TMEM223: variants seen among roughly 807,000 people sequenced by gnomAD.
The protein encoded by TMEM223 is transmembrane protein 223.
Under a neutral mutation model 14.1 loss-of-function variants are expected in TMEM223, and 14 were observed. The observed-to-expected ratio is 0.99, with a 90% CI of 0.66 to 1.55. TMEM223 has a LOEUF of 1.55. Among genes scored for constraint, TMEM223 ranks in the 40% most tolerant of loss-of-function variants. The probability of loss-of-function intolerance (pLI) is 0.00; values close to 1 mark genes in which losing one functional copy is unlikely to be tolerated. For missense variants in TMEM223, 346 were observed against 269.9 expected (o/e 1.28, Z -1.97); for synonymous variants, 145 against 120.5 (o/e 1.20, Z -1.33).
rs982559102 is a variant in TMEM223, at chr11:62,790,442, T to G, written c.*181A>C. 3.2e-4 allele frequency: 136 copies of G among 431,036 alleles called. No individual in the cohort carries two copies. Among genetic ancestry groups the G allele is most frequent in the East Asian group, 1.0e-3 (23 of 23,102 alleles). The allele number at this position is 431,036 out of a possible 1,614,324, so 26.7% of individuals were successfully genotyped here. A position where few individuals can be genotyped will look rare whatever the true frequency, so the allele number is the denominator to read the frequency against. ...ATTCTAAGATTGGCGTTTTTTTTTG[T>G]TTTTTTTTTTGTAAATAGAGACAAG... On this transcript the variant is annotated 3_prime_UTR_variant, in exon 2 of 2. Coordinates refer to ENST00000307366, the MANE Select transcript of TMEM223 (RefSeq NM_001080501.3).
chr11:62,772,859 T>G (rs149698727), intron 2 of TMEM223, among the ~76,000 whole-genome samples: 3,241 of 151,962 alleles, frequency 0.021, 122 homozygotes, highest in African/African-American at 0.072. Flanking sequence ...GATCTTTTTT[T>G]TTTGTTTGTT....
intron 1 of TMEM223, among the ~76,000 whole-genome samples, chr11:62,791,364 T>G (rs550869624): frequency 6.6e-6 from 1 of 152,116 alleles, no homozygotes; most frequent in Non-Finnish European, 1.5e-5. Flanking sequence ...TTCAATTGAT[T>G]CTCCTGCCTC....
chr11:62,782,588 A>T, downstream of TMEM223: 2 of 1,505,384 alleles, frequency 1.3e-6, no homozygotes, highest in South Asian at 1.3e-5. Flanking sequence ...TAACCCCAGC[A>T]CTCCCGAGTG....
chr11:62,776,510 A>T, intron 1 of TMEM223: 1 of 1,596,208 alleles, frequency 6.3e-7, no homozygotes, highest in Middle Eastern at 1.7e-4. Context: ...AGGTGGCATG[A>T]GGCCACTTCC....
intron 1 of TMEM223, chr11:62,777,893 C>T (rs2084198667): frequency 2.0e-6 from 3 of 1,502,372 alleles, no homozygotes; most frequent in Non-Finnish European, 2.7e-6. Flanking sequence ...GGGCTCTCTG[C>T]TCTGGTCAGT....
downstream of TMEM223, chr11:62,782,742 C>G (rs1043032832): frequency 1.2e-6 from 2 of 1,612,694 alleles, no homozygotes; most frequent in Non-Finnish European, 1.7e-6. Context: ...CCTGCTATCC[C>G]TGCAGAAGAT....
chr11:62,787,351 C>G (rs901998079), downstream of TMEM223: 3 of 1,535,632 alleles, frequency 2.0e-6, no homozygotes, highest in African/African-American at 2.8e-5. Context: ...AATGACGTCT[C>G]CACCTTCGTG....
chr11:62,791,995 G>C lies in TMEM223; in HGVS notation c.-1C>G, dbSNP rs765635190. ...GCCATCGCCTCCAAGGCGCCGCCAT[G>C]GCCAGCCGACTTCCGGGGTGGGGCT... On this transcript the variant is annotated 5_prime_UTR_variant, in exon 1 of 2. Transcript: ENST00000307366. The C allele has an allele frequency of 5.2e-6, 8 of 1,525,390 alleles. No individual in the cohort carries two copies. Among genetic ancestry groups the C allele is most frequent in the Non-Finnish European group, 5.3e-6 (6 of 1,131,456 alleles). The allele number at this position is 1,525,390 out of a possible 1,614,324, so 94.5% of individuals were successfully genotyped here. A position where few individuals can be genotyped will look rare whatever the true frequency, so the allele number is the denominator to read the frequency against.
intron 1 of TMEM223, chr11:62,778,057 G>C: frequency 6.2e-7 from 1 of 1,614,112 alleles, no homozygotes; most frequent in Non-Finnish European, 8.5e-7. Flanking sequence ...CCTGAGGATC[G>C]AGAGGTGAAC....
chr11:62,790,435 T>C lies in TMEM223; in HGVS notation c.*188A>G. 1 of 608,510 alleles carries C rather than the reference T, an allele frequency of 1.6e-6. No individual in the cohort carries two copies. Among genetic ancestry groups the C allele is most frequent in the Non-Finnish European group, 2.8e-6 (1 of 360,514 alleles). 37.7% of individuals were successfully genotyped at this position (608,510 alleles called of 1,614,324 possible). ...TTACTCCATTCTAAGATTGGCGTTT[T>C]TTTTTGTTTTTTTTTTTGTAAATAG... On this transcript the variant is annotated 3_prime_UTR_variant, in exon 2 of 2. Coordinates refer to ENST00000307366, the MANE Select transcript of TMEM223 (RefSeq NM_001080501.3).
intron 1 of TMEM223, among the ~76,000 whole-genome samples, chr11:62,777,392 C>T (rs1025342400): frequency 1.3e-5 from 2 of 152,318 alleles, no homozygotes; most frequent in Admixed American, 6.5e-5. Flanking sequence ...ATAGCAACAG[C>T]AGACCAGGTG....
At chr11:62,789,785 G>A (rs750553539), downstream of TMEM223, 5 of 1,524,886 alleles carry the variant, frequency 3.3e-6, no homozygotes, top group Non-Finnish European at 4.4e-6. Flanking sequence ...AGCTGAAGGG[G>A]TTGTCAGCTT....
chr11:62,782,043 A>G (rs1159195915), intron 1 of TMEM223: 1 of 1,593,394 alleles, frequency 6.3e-7, no homozygotes, highest in Non-Finnish European at 8.6e-7. Context: ...GCTCATGGCA[A>G]GTGCTGTCAG....
chr11:62,791,746 AT>A lies in TMEM223; in HGVS notation c.248del (p.Asn83IlefsTer51). Reference sequence around the variant, plus strand: ...CGGAGCGCAGGTCGAAGGGGCCACGATTTGGGACCTCCGCATCCAGAGGCTG... The same window carrying A: ...CGGAGCGCAGGTCGAAGGGGCCACGATTGGGACCTCCGCATCCAGAGGCTG... ...PVQPLDAEVP[N>X]RGPFDLRSAL... On this transcript the variant is annotated frameshift_variant, in exon 1 of 2. Coordinates refer to ENST00000307366, the MANE Select transcript of TMEM223 (RefSeq NM_001080501.3). LOFTEE classifies it high-confidence loss of function. The A allele has an allele frequency of 6.4e-7, 1 of 1,562,862 alleles. No individual in the cohort carries two copies. Among genetic ancestry groups the A allele is most frequent in the Non-Finnish European group, 8.7e-7 (1 of 1,154,218 alleles).
At chr11:62,772,840 CT>C (rs1379225596) in intron 2 of TMEM223, among the ~76,000 whole-genome samples, 1 of 144,878 alleles carries the variant, frequency 6.9e-6, no homozygotes, top group Non-Finnish European at 1.5e-5. Context: ...TTCTTTCTTT[CT>C]TTTAGAAGAT....
At chr11:62,786,443 AG>A, downstream of TMEM223, 1 of 1,598,326 alleles carries the variant, frequency 6.3e-7, no homozygotes. Context: ...GCAGCCAAGC[AG>A]GCTTACTTTG....
Position 62,791,894 on chromosome 11 carries a change from A to T in TMEM223, c.101T>A (p.Val34Glu). Residue 34 changes from valine (V) to glutamate (E), a missense_variant, in exon 1 of 2, where the codon GTG becomes GAG. Transcript: ENST00000307366. ...PLQGTTLQRD[V>E]LLFEHDRGRF... is the part of the protein sequence containing the mutation. Reference sequence around the variant, plus strand: ...GCCCCGATCATGCTCAAAGAGCAGCACATCCCGTTGCAGCGTCGTGCCTTG... The same window carrying T: ...GCCCCGATCATGCTCAAAGAGCAGCTCATCCCGTTGCAGCGTCGTGCCTTG... 6.2e-7 allele frequency: 1 copy of T among 1,600,482 alleles called. No homozygotes were observed. Among genetic ancestry groups the T allele is most frequent in the Non-Finnish European group, 8.5e-7 (1 of 1,174,104 alleles).
In TMEM223 at chr11:62,791,812, G is replaced by A. The variant is rs770749656; in HGVS notation, c.183C>T (p.Ser61=). 2.5e-6 allele frequency: 4 copies of A among 1,582,912 alleles called. No homozygotes were observed. Among genetic ancestry groups the A allele is most frequent in the African/African-American group, 2.7e-5 (2 of 74,318 alleles). The change falls in exon 1 of 2, where the codon TCC becomes TCT. Residue 61 remains serine, a synonymous_variant. Coordinates refer to ENST00000307366, the MANE Select transcript of TMEM223 (RefSeq NM_001080501.3). ...FCAGQGVFWA[S]MAVAAVSRPP... is the part of the protein sequence containing the mutation. ...GCCGGGACACGGCTGCCACAGCCATGGAAGCCCAGAAGACGCCCTGGCCCG... is the reference window on the plus strand; with the variant it reads ...GCCGGGACACGGCTGCCACAGCCATAGAAGCCCAGAAGACGCCCTGGCCCG...
At chr11:62,786,783 G>C, downstream of TMEM223, 3 of 1,611,848 alleles carry the variant, frequency 1.9e-6, no homozygotes, top group South Asian at 2.2e-5. Context: ...GTGACAGCTT[G>C]GCCACACGCT....
Sources: allele counts gnomAD v4.1 joint callset (sites outside exome capture counted in the v4.1 genomes callset), GRCh38; gene constraint gnomAD v4.1.1; transcripts MANE v1.5; gene names NCBI Gene and HGNC (gene_info 2026-07-23, HGNC 2026-07-21).